The following TBC1D5 variants were observed in gnomAD, a reference collection of about 807,000 sequenced individuals.
The protein encoded by TBC1D5 is TBC1 domain family member 5.
A neutral mutation model predicts 100.3 loss-of-function variants in TBC1D5; 75 were observed. The observed-to-expected ratio is 0.75, with a 90% CI of 0.62 to 0.91. The LOEUF (loss-of-function observed/expected upper bound fraction) is 0.91. Among genes scored for constraint, TBC1D5 ranks in the 40% least tolerant of loss-of-function variants. The probability of loss-of-function intolerance (pLI) is 0.00; values close to 1 mark genes in which losing one functional copy is unlikely to be tolerated. For missense variants in TBC1D5, 910 were observed against 942.4 expected, an observed-to-expected ratio of 0.97 and a Z score of 0.45; for synonymous variants, 323 against 325.6, an observed-to-expected ratio of 0.99 and a Z score of 0.09.
In TBC1D5 at chr3:17,722,466, C is replaced by T. The variant is rs529409812; in HGVS notation, c.-101+16877G>A. ...ATAAAACAAAGTTCTCACTGTGATGCATCACAGGTCAGGTTTGATATTTTC... is the reference window on the plus strand; with the variant it reads ...ATAAAACAAAGTTCTCACTGTGATGTATCACAGGTCAGGTTTGATATTTTC... On this transcript the variant is annotated intron_variant, in intron 1 of 21. Coordinates refer to ENST00000253692, the Ensembl canonical transcript of TBC1D5. Among the ~76,000 whole-genome samples, 9 of 152,314 alleles carry T rather than the reference C, an allele frequency of 5.9e-5. No individual in the cohort carries two copies. In the South Asian group the frequency reaches 1.7e-3, roughly 28 times the overall value.
At chr3:17,480,839 C>A (rs998709268) in intron 3 of TBC1D5, among the ~76,000 whole-genome samples, 1 of 152,222 alleles carries the variant, frequency 6.6e-6, no homozygotes, top group African/African-American at 2.4e-5. Context: ...ACTGAAGCTC[C>A]TCTCTGCCTT....
intron 2 of TBC1D5, among the ~76,000 whole-genome samples, chr3:17,618,642 G>A (rs538228533): frequency 1.3e-3 from 203 of 152,282 alleles, no homozygotes; most frequent in African/African-American, 3.9e-3. Flanking sequence ...CTGCACCCTC[G>A]TTGTTAGATC....
intron 20 of TBC1D5, 79 bp downstream of exon 21, chr3:17,167,670 T>C (rs2066770907): frequency 1.5e-6 from 2 of 1,309,454 alleles, no homozygotes; most frequent in African/African-American, 1.5e-5. Context: ...GGCTCTAACA[T>C]CATGGTGCTC....
chr3:17,554,416 G>A (rs1404181703), intron 2 of TBC1D5, among the ~76,000 whole-genome samples: 1 of 152,188 alleles, frequency 6.6e-6, no homozygotes, highest in South Asian at 2.1e-4. Flanking sequence ...CTGGGGTGAA[G>A]CTGGTACATG....
intron 2 of TBC1D5, chr3:17,622,580 CT>C (rs1473773531): frequency 2.6e-4 from 38 of 145,922 alleles, no homozygotes; most frequent in African/African-American, 8.8e-4. Context: ...TTTTTTTTTT[CT>C]TAAAAAAAAA....
chr3:17,644,269 G>A (rs1342486229), intron 1 of TBC1D5: 1 of 152,074 alleles, frequency 6.6e-6, no homozygotes, highest in African/African-American at 2.4e-5. Context: ...TGTGTTTGTT[G>A]ATTAAATACT....
At chr3:17,709,275 G>A (rs974251195) in intron 1 of TBC1D5, among the ~76,000 whole-genome samples, 1 of 152,082 alleles carries the variant, frequency 6.6e-6, no homozygotes, top group Non-Finnish European at 1.5e-5. Context: ...ACATGTAAAG[G>A]CAGACTGGAT....
chr3:17,419,193 G>T (rs761546573), intron 4 of TBC1D5, among the ~76,000 whole-genome samples: 1 of 152,200 alleles, frequency 6.6e-6, no homozygotes, highest in Non-Finnish European at 1.5e-5. Flanking sequence ...CTAAACTGCA[G>T]TTTGCTACAT....
intron 2 of TBC1D5, among the ~76,000 whole-genome samples, chr3:17,560,461 A>AC (rs1388270323): frequency 6.6e-6 from 1 of 152,060 alleles, no homozygotes; most frequent in East Asian, 1.9e-4. Flanking sequence ...CTCTAAAAAA[A>AC]TTGAAAAATT....
chr3:17,354,941 T>C (rs2151763580), intron 13 of TBC1D5, among the ~76,000 whole-genome samples: 1 of 152,210 alleles, frequency 6.6e-6, no homozygotes, highest in African/African-American at 2.4e-5. Context: ...AATTTGTTGT[T>C]GTCTGCCAAA....
chr3:17,193,695 AT>A (rs1300168658), intron 18 of TBC1D5, among the ~76,000 whole-genome samples: 1 of 152,214 alleles, frequency 6.6e-6, no homozygotes, highest in African/African-American at 2.4e-5. Flanking sequence ...GTTATGACTA[AT>A]AACTTCTTTT....
chr3:17,549,338 C>T (rs2096451474), intron 2 of TBC1D5, among the ~76,000 whole-genome samples: 1 of 152,076 alleles, frequency 6.6e-6, no homozygotes, highest in African/African-American at 2.4e-5. Flanking sequence ...TATCAATTGG[C>T]AATTTCTTTT....
intron 2 of TBC1D5, among the ~76,000 whole-genome samples, chr3:17,604,625 T>C (rs753508929): frequency 6.6e-6 from 1 of 152,202 alleles, no homozygotes; most frequent in Non-Finnish European, 1.5e-5. Context: ...ATTTGGTGCC[T>C]AGAAACAATG....
At chr3:17,622,171 G>C (rs543441545) in intron 2 of TBC1D5, among the ~76,000 whole-genome samples, 1 of 152,138 alleles carries the variant, frequency 6.6e-6, no homozygotes, top group Non-Finnish European at 1.5e-5. Flanking sequence ...TTCTCATAAG[G>C]AATGAGCAAT....
chr3:17,710,930 C>CTCG (rs1389602178), intron 1 of TBC1D5, among the ~76,000 whole-genome samples: 1 of 152,080 alleles, frequency 6.6e-6, no homozygotes, highest in Non-Finnish European at 1.5e-5. Flanking sequence ...AACTCCTGAC[C>CTCG]TCGTGATCTG....
intron 1 of TBC1D5, among the ~76,000 whole-genome samples, chr3:17,703,770 C>G (rs763501776): frequency 5.3e-5 from 8 of 152,040 alleles, no homozygotes; most frequent in Non-Finnish European, 1.2e-4. Context: ...GAATAGAACC[C>G]AAAATTGCTA....
chr3:17,521,838 A>G (rs2096066678), intron 2 of TBC1D5, among the ~76,000 whole-genome samples: 1 of 152,162 alleles, frequency 6.6e-6, no homozygotes, highest in African/African-American at 2.4e-5. Context: ...ATGGGACCAT[A>G]AATTTTTAAA....
chr3:17,327,995 A>C lies in TBC1D5; in HGVS notation c.996-19861T>G, dbSNP rs367602888. On this transcript the variant is annotated intron_variant, in intron 13 of 21. Transcript: ENST00000253692. ...AAAAACCCTCTATTTCTTGCCAGGC[A>C]TGGTGGCTAACACCTGTAATTCCAG... Among the ~76,000 whole-genome samples, 119 of 152,280 alleles carry C rather than the reference A, an allele frequency of 7.8e-4. 2 individuals carry two copies. In the East Asian group the frequency reaches 0.012, roughly 15 times the overall value.
intron 19 of TBC1D5, among the ~76,000 whole-genome samples, chr3:17,171,126 G>C (rs1214073926): frequency 2.6e-5 from 4 of 152,170 alleles, no homozygotes; most frequent in Non-Finnish European, 5.9e-5. Flanking sequence ...ATCTGTTCAA[G>C]AGTGGAAGTG....
Sources: allele counts gnomAD v4.1 joint callset (sites outside exome capture counted in the v4.1 genomes callset), GRCh38; gene constraint gnomAD v4.1.1; transcripts MANE v1.5; gene names NCBI Gene and HGNC (gene_info 2026-07-23, HGNC 2026-07-21).